Variants in NOX5 observed in about 807,000 individuals in gnomAD.
The protein encoded by NOX5 is NADPH oxidase, EF-hand calcium binding domain 5.
A neutral mutation model predicts 85.7 loss-of-function variants in NOX5; 76 were observed. The ratio of observed to expected loss-of-function variants is 0.89; its 90% CI spans 0.74 to 1.07. The LOEUF is 1.07. NOX5 is among the 50% of genes least tolerant of loss of function. The probability of loss-of-function intolerance (pLI) is 0.00; values close to 1 mark genes in which losing one functional copy is unlikely to be tolerated. For synonymous variants in NOX5, 405 were observed against 401.4 expected (o/e 1.01, Z -0.11); for missense variants, 973 against 999.5 (o/e 0.97, Z 0.36).
intron 10 of NOX5, 127 bp from the exon 11 acceptor site, chr15:69,046,695 T>G: frequency 2.5e-6 from 2 of 790,748 alleles, no homozygotes; most frequent in Non-Finnish European, 4.1e-6. Flanking sequence ...GTTCCCTGAA[T>G]GGTTTGGGCA....
chr15:69,045,277 C>T (rs2050647300), intron 10 of NOX5, among the ~76,000 whole-genome samples: 1 of 152,250 alleles, frequency 6.6e-6, no homozygotes, highest in Admixed American at 6.5e-5. Flanking sequence ...TACATCCCAA[C>T]ATTACTTTAA....
chr15:69,050,066 A>G (rs1454290587), intron 14 of NOX5, among the ~76,000 whole-genome samples: 2 of 152,188 alleles, frequency 1.3e-5, no homozygotes, highest in African/African-American at 4.8e-5. Context: ...AATTTTACAT[A>G]AATGGAATCA....
chr15:69,055,865 A>C (rs576793238), intron 15 of NOX5, among the ~76,000 whole-genome samples: 1 of 152,318 alleles, frequency 6.6e-6, no homozygotes, highest in East Asian at 1.9e-4. Context: ...AGGCACAGAG[A>C]CATGAAATCG....
At chr15:69,047,056 C>T (rs2050682863) in intron 11 of NOX5, 190 bp downstream of exon 11, 1 of 620,294 alleles carries the variant, frequency 1.6e-6, no homozygotes, top group Non-Finnish European at 2.8e-6. Context: ...CAAGGGTGCT[C>T]AGCCTCACCC....
At chr15:69,055,916 A>AT (rs1228745563) in intron 15 of NOX5, among the ~76,000 whole-genome samples, 1 of 151,950 alleles carries the variant, frequency 6.6e-6, no homozygotes, top group East Asian at 1.9e-4. Flanking sequence ...TGGTTTTATT[A>AT]TTTTTCTTTC....
intron 2 of NOX5, among the ~76,000 whole-genome samples, chr15:69,027,836 C>T (rs1009692119): frequency 3.9e-5 from 6 of 152,138 alleles, no homozygotes; most frequent in African/African-American, 1.4e-4. Context: ...TGGGGTGAGA[C>T]AGGGCTGGAA....
chr15:69,036,982 C>A (rs777990197), intron 7 of NOX5, 46 bp from the exon 8 acceptor site: 31 of 1,520,750 alleles, frequency 2.0e-5, no homozygotes, highest in Non-Finnish European at 2.8e-5. Context: ...GTTCCACCCC[C>A]CAGGCCTTGA....
At chr15:69,015,575 C>A (rs1203384673) in intron 1 of NOX5, among the ~76,000 whole-genome samples, 1 of 152,166 alleles carries the variant, frequency 6.6e-6, no homozygotes, top group Non-Finnish European at 1.5e-5. Context: ...ATGCGTGGGT[C>A]ACAAGATCCG....
chr15:69,038,609 G>A (rs2050552276), intron 8 of NOX5, among the ~76,000 whole-genome samples: 1 of 152,164 alleles, frequency 6.6e-6, no homozygotes, highest in Non-Finnish European at 1.5e-5. Context: ...ACCCTGAGAG[G>A]CAGGGTAAAA....
At position 69,035,342 on chromosome 15, in the gene NOX5, C is replaced by T; in HGVS notation, c.856-12C>T. ...GAGTGAGGCAGGGCTCTCTCCCACT[C>T]TGCCTGGCCAGGTGCTGATGCTCAG... On this transcript the variant is annotated splice_polypyrimidine_tract_variant and intron_variant, in intron 5 of 15. Transcript: ENST00000388866. The T allele has an allele frequency of 6.2e-7, 1 of 1,612,918 alleles. No individual in the cohort carries two copies. Among genetic ancestry groups the T allele is most frequent in the Non-Finnish European group, 8.5e-7 (1 of 1,179,410 alleles).
intron 4 of NOX5, 77 bp downstream of exon 4, chr15:69,031,889 C>G: frequency 4.2e-6 from 6 of 1,437,630 alleles, no homozygotes; most frequent in Non-Finnish European, 3.8e-6. Flanking sequence ...AGGAACTCAC[C>G]GCGGATCCAC....
Position 69,057,726 on chromosome 15 carries a change from TGCCATCC to T in NOX5, c.*1032_*1038del, listed in dbSNP as rs2140286803. 1 of 152,416 alleles carries T rather than the reference TGCCATCC, an allele frequency of 6.6e-6. No individual in the cohort carries two copies. The highest frequency in any genetic ancestry group is 2.4e-5 in the African/African-American group (1 of 41,596). 9.4% of individuals were successfully genotyped at this position (152,416 alleles called of 1,614,324 possible). ...TATTTTCATCTGTGAAATAAGCTGATGCCATCCGTCAGTCACAGTTGCTGTGAGGTGA... is the reference window on the plus strand; with the variant it reads ...TATTTTCATCTGTGAAATAAGCTGATGTCAGTCACAGTTGCTGTGAGGTGA... On this transcript the variant is annotated 3_prime_UTR_variant, in exon 16 of 16. Coordinates refer to ENST00000388866, the MANE Select transcript of NOX5 (RefSeq NM_024505.4).
chr15:69,023,219 T>C, intron 1 of NOX5: 1 of 246,250 alleles, frequency 4.1e-6, no homozygotes, highest in Non-Finnish European at 7.9e-6. Flanking sequence ...AAAAATTAGC[T>C]GAGTTTTATG....
chr15:69,037,291 G>C, intron 8 of NOX5, 81 bp downstream of exon 8: 1 of 1,332,652 alleles, frequency 7.5e-7, no homozygotes, highest in Non-Finnish European at 1.0e-6. Context: ...TGGATACCCT[G>C]TCAGACCCCC....
chr15:69,037,060 C>T lies in NOX5; in HGVS notation c.1221C>T (p.Leu407=), dbSNP rs373052664. The change falls in exon 8 of 16, where the codon CTC becomes CTT. Residue 407 remains leucine (L), a synonymous_variant. Transcript: ENST00000388866. ...VFYWTHLSYL[L]VWLLLIFHGP... ...ATTGGACTCACCTGTCCTACCTCCT[C>T]GTGTGGCTTCTGCTCATCTTTCATG... 164 of 1,613,864 alleles carry T rather than the reference C, an allele frequency of 1.0e-4. No individual in the cohort carries two copies. The highest frequency in any genetic ancestry group is 1.2e-4 in the Non-Finnish European group (143 of 1,180,010).
At chr15:69,039,574 A>G (rs551454863) in intron 9 of NOX5, among the ~76,000 whole-genome samples, 26 of 152,322 alleles carry the variant, frequency 1.7e-4, no homozygotes, top group Admixed American at 5.2e-4. Flanking sequence ...GTTCTTAAGC[A>G]GAGGAGTAGC....
At chr15:69,016,817 T>C (rs1462713155) in intron 1 of NOX5, among the ~76,000 whole-genome samples, 1 of 151,866 alleles carries the variant, frequency 6.6e-6, no homozygotes, top group Non-Finnish European at 1.5e-5. Context: ...TATACATACA[T>C]ACATACACAC....
At position 69,058,786 on chromosome 15, in the gene NOX5, T is replaced by A. The variant is rs1004574731; in HGVS notation, c.*2090T>A. 2.0e-5 allele frequency: 3 copies of A among 152,244 alleles called. No homozygotes were observed. Among genetic ancestry groups the A allele is most frequent in the African/African-American group, 7.2e-5 (3 of 41,440 alleles). The allele number at this position is 152,244 out of a possible 1,614,324, so 9.4% of individuals were successfully genotyped here. ...GGAACCTCTTTCCCTCTGTTGAGTC[T>A]GTACTTTCCCCTCTTCATCAGGCTT... is the stretch of plus-strand genomic sequence containing the variant. On this transcript the variant is annotated 3_prime_UTR_variant, in exon 16 of 16. Transcript: ENST00000388866.
rs965312429 is a variant in NOX5, at chr15:69,060,327, G to A, written c.*3631G>A. 1.3e-5 allele frequency: 2 copies of A among 152,386 alleles called. No individual in the cohort carries two copies. 9.4% of individuals were successfully genotyped at this position (152,386 alleles called of 1,614,324 possible). Reference sequence around the variant, plus strand: ...AGGAACATTAGCCGAGACTGGCTCTGGGCCAACCTGTTGGAGACACAGTGG... The same window carrying A: ...AGGAACATTAGCCGAGACTGGCTCTAGGCCAACCTGTTGGAGACACAGTGG... On this transcript the variant is annotated 3_prime_UTR_variant, in exon 16 of 16. Coordinates refer to ENST00000388866, the MANE Select transcript of NOX5 (RefSeq NM_024505.4).
Sources: gnomAD v4.1 joint callset for allele counts (sites outside exome capture counted in the v4.1 genomes callset) on GRCh38, gnomAD v4.1.1 for gene constraint, MANE v1.5 for transcripts, NCBI Gene and HGNC (gene_info 2026-07-23, HGNC 2026-07-21) for gene names.